Variants in PPEF1 observed in about 807,000 individuals in gnomAD.
The protein encoded by PPEF1 is serine/threonine-protein phosphatase with EF-hands 1.
In PPEF1, 12 loss-of-function variants were observed where a neutral mutation model predicts 53.3. The ratio of observed to expected loss-of-function variants is 0.23; its 90% confidence interval spans 0.14 to 0.36. The LOEUF is 0.36. PPEF1 is among the 10% of genes least tolerant of loss of function. The probability of loss-of-function intolerance (pLI) is 1.00; values close to 1 mark genes in which losing one functional copy is unlikely to be tolerated. For synonymous variants in PPEF1, 165 were observed against 176.7 expected (o/e 0.93, Z 0.52); for missense variants, 334 against 490.4 (o/e 0.68, Z 3.01).
Position 18,707,729 on chromosome X carries a change from G to T in PPEF1, c.-52G>T, listed in dbSNP as rs1337071630. 8.8e-7 allele frequency: 1 copy of T among 1,139,009 alleles called. No homozygotes were observed. Among genetic ancestry groups the T allele is most frequent in the Admixed American group, 2.2e-5 (1 of 45,294 alleles). The allele number at this position is 1,139,009 out of a possible 1,213,427, so 93.9% of individuals were successfully genotyped here. A position where few individuals can be genotyped will look rare whatever the true frequency, so the allele number is the denominator to read the frequency against. On this transcript the variant is annotated 5_prime_UTR_variant, in exon 1 of 16. Transcript: ENST00000470157. ...TAAAGGGAGGCACTTTTCACACTCT[G>T]TCTTAAAATCAGAAGTTGAATTCAT... is the stretch of plus-strand genomic sequence containing the variant.
At chrX:18,740,217 C>T (rs746878429) in intron 3 of PPEF1, among the ~76,000 whole-genome samples, 16 of 112,354 alleles carry the variant, frequency 1.4e-4, no homozygotes, top group African/African-American at 4.5e-4. Flanking sequence ...GTCGCTGACG[C>T]TGGGAGCTGT....
At chrX:18,756,274 G>T (rs996636506) in intron 4 of PPEF1, among the ~76,000 whole-genome samples, 13 of 110,301 alleles carry the variant, frequency 1.2e-4, no homozygotes, top group African/African-American at 4.3e-4. Flanking sequence ...CCGCCTCCCG[G>T]GTTCAAGTGA....
At chrX:18,683,726 T>C (rs1435966667) in intron 1 of PPEF1, among the ~76,000 whole-genome samples, 1 of 111,932 alleles carries the variant, frequency 8.9e-6, no homozygotes, top group Non-Finnish European at 1.9e-5. Context: ...ACCCATTTGG[T>C]ATCCCCCCTT....
At position 18,712,952 on chromosome X, in the gene PPEF1, A is replaced by G. The variant is rs187682514; in HGVS notation, c.46+5126A>G. On this transcript the variant is annotated intron_variant, in intron 1 of 15. Transcript: ENST00000470157. ...CATTATGTTAATTGATGTTAAGCCAACTTCGCATTCCTAGGATAAATCCCC... is the reference window on the plus strand; with the variant it reads ...CATTATGTTAATTGATGTTAAGCCAGCTTCGCATTCCTAGGATAAATCCCC... Among the ~76,000 whole-genome samples, 327 of 112,143 alleles carry G rather than the reference A, an allele frequency of 2.9e-3. 1 individual carries two copies. Among genetic ancestry groups the G allele is most frequent in the African/African-American group, 0.01 (315 of 30,999 alleles).
At chrX:18,703,900 T>C (rs1347794364), upstream of PPEF1, among the ~76,000 whole-genome samples, 1 of 106,868 alleles carries the variant, frequency 9.4e-6, no homozygotes, top group Non-Finnish European at 1.9e-5. Context: ...CCTGTTTTCT[T>C]TTTTAAATTA....
chrX:18,804,792 A>C (rs2046625446), intron 11 of PPEF1, among the ~76,000 whole-genome samples: 1 of 111,596 alleles, frequency 9.0e-6, no homozygotes, highest in Non-Finnish European at 1.9e-5. Context: ...CCCAAAACAC[A>C]AAACACACTT....
chrX:18,825,504 A>T (rs2047149835), intron 14 of PPEF1, among the ~76,000 whole-genome samples: 1 of 112,147 alleles, frequency 8.9e-6, no homozygotes, highest in Non-Finnish European at 1.9e-5. Flanking sequence ...GAAATAATCC[A>T]CATAAAGTTC....
At position 18,676,815 on chromosome X, in the gene PPEF1, G is replaced by A. The variant is rs189404373; in HGVS notation, c.-587+685G>A. Among the ~76,000 whole-genome samples the A allele has an allele frequency of 1.6e-4, 18 of 111,545 alleles. No individual in the cohort carries two copies. The East Asian group carries it at 4.6e-3, about 28-fold the overall frequency. ...TTTCTGTCTGCCCCTGGGTATAAAG[G>A]TATGTTTGCCAAGTTCCCACACTTA... On this transcript the variant is annotated intron_variant, in intron 1 of 20. Transcript: ENST00000689646.
intron 5 of PPEF1, 124 bp from the exon 6 acceptor site, chrX:18,761,406 A>G: frequency 3.4e-6 from 2 of 584,557 alleles, no homozygotes; most frequent in East Asian, 3.3e-5. Context: ...TCAAATTAAC[A>G]TCGTCATAGG....
At chrX:18,778,251 A>G (rs1452302038) in intron 6 of PPEF1, among the ~76,000 whole-genome samples, 1 of 111,667 alleles carries the variant, frequency 9.0e-6, no homozygotes, top group African/African-American at 3.3e-5. Context: ...GTTTTATAGT[A>G]TAGTACTAAA....
Position 18,779,150 on chromosome X carries a change from C to T in PPEF1, c.699C>T (p.Asn233=), listed in dbSNP as rs372626196. The T allele has an allele frequency of 1.6e-5, 19 of 1,203,371 alleles. No homozygotes were observed. In the African/African-American group the frequency reaches 3.3e-4, roughly 21 times the overall value. ...YPNDLHLNRG[N]HEDFMMNLRY... Reference sequence around the variant, plus strand: ...ATGACCTGCACTTGAACAGAGGGAACCACGAAGATTTTATGATGAATCTGA... The same window carrying T: ...ATGACCTGCACTTGAACAGAGGGAATCACGAAGATTTTATGATGAATCTGA... The change falls in exon 7 of 16, where the codon AAC becomes AAT. Residue 233 remains asparagine, a synonymous_variant. Transcript: ENST00000470157.
intron 12 of PPEF1, among the ~76,000 whole-genome samples, chrX:18,807,965 G>T (rs1205857999): frequency 2.6e-5 from 2 of 76,323 alleles, no homozygotes; most frequent in African/African-American, 1.0e-4. Flanking sequence ...CAGCCTGTAC[G>T]TACATTTTTT....
chrX:18,696,495 G>A (rs991502372), intron 4 of PPEF1, among the ~76,000 whole-genome samples: 7 of 111,042 alleles, frequency 6.3e-5, no homozygotes, highest in South Asian at 7.6e-4. Context: ...AGTAAGTTTC[G>A]TGAGAATGGA....
chrX:18,781,109 C>T (rs2046076915), intron 7 of PPEF1, among the ~76,000 whole-genome samples: 1 of 109,136 alleles, frequency 9.2e-6, no homozygotes, highest in Admixed American at 9.8e-5. Context: ...TCCAGATTCC[C>T]AGCTTGAGTT....
At chrX:18,767,274 G>A (rs186523214) in intron 6 of PPEF1, among the ~76,000 whole-genome samples, 64 of 111,038 alleles carry the variant, frequency 5.8e-4, no homozygotes, top group African/African-American at 1.9e-3. Context: ...GGGACCAGGC[G>A]CGTGGCTCAT....
chrX:18,725,943 G>T (rs2044696213), intron 1 of PPEF1, among the ~76,000 whole-genome samples: 1 of 111,474 alleles, frequency 9.0e-6, no homozygotes, highest in African/African-American at 3.3e-5. Context: ...GTGGGGTGGG[G>T]ATGGAAGCTA....
intron 1 of PPEF1, among the ~76,000 whole-genome samples, chrX:18,719,023 A>C (rs1201645141): frequency 8.9e-6 from 1 of 112,365 alleles, no homozygotes; most frequent in Non-Finnish European, 1.9e-5. Flanking sequence ...GTGAAGATTA[A>C]AGGTTATTAT....
intron 3 of PPEF1, among the ~76,000 whole-genome samples, chrX:18,737,989 T>C (rs1460549684): frequency 2.7e-5 from 3 of 110,929 alleles, no homozygotes; most frequent in Non-Finnish European, 5.7e-5. Flanking sequence ...AGATCTTCCT[T>C]CATCCCTTTA....
chrX:18,800,077 T>C (rs774513521), intron 10 of PPEF1, among the ~76,000 whole-genome samples: 58 of 111,041 alleles, frequency 5.2e-4, no homozygotes, highest in Non-Finnish European at 4.9e-4. Context: ...GAAAAATGAG[T>C]GTCAGATATA....
Sources: allele counts gnomAD v4.1 joint callset (sites outside exome capture counted in the v4.1 genomes callset), GRCh38; gene constraint gnomAD v4.1.1; transcripts MANE v1.5; gene names NCBI Gene and HGNC (gene_info 2026-07-23, HGNC 2026-07-21).